CNTN5: variants seen among roughly 807,000 people sequenced by gnomAD.
The protein encoded by CNTN5 is contactin-5.
A neutral mutation model predicts 129.1 loss-of-function variants in CNTN5; 77 were observed. The observed-to-expected ratio is 0.60, with a 90% confidence interval of 0.50 to 0.72. The LOEUF (loss-of-function observed/expected upper bound fraction) is 0.72. Among genes scored for constraint, CNTN5 ranks in the 30% least tolerant of loss-of-function variants. CNTN5 has a pLI of 0.00. For synonymous variants in CNTN5, 509 were observed against 465.6 expected (o/e 1.09, Z -1.20); for missense variants, 1,478 against 1,328.8 (o/e 1.11, Z -1.75).
intron 3 of CNTN5, among the ~76,000 whole-genome samples, chr11:99,784,779 G>C (rs1202485863): frequency 6.8e-6 from 1 of 146,992 alleles, no homozygotes; most frequent in Non-Finnish European, 1.5e-5. Flanking sequence ...ACTGGTGTGA[G>C]ATGGTATCTC....
At chr11:99,476,614 A>G (rs1945381507) in intron 2 of CNTN5, among the ~76,000 whole-genome samples, 1 of 152,156 alleles carries the variant, frequency 6.6e-6, no homozygotes, top group Non-Finnish European at 1.5e-5. Context: ...ATGTAGCAAT[A>G]AGCATTCATA....
At chr11:99,555,559 C>T (rs976996005) in intron 2 of CNTN5, among the ~76,000 whole-genome samples, 1 of 151,808 alleles carries the variant, frequency 6.6e-6, no homozygotes, top group Non-Finnish European at 1.5e-5. Flanking sequence ...CCTTACGTTC[C>T]AGCCAGCAAA....
chr11:100,056,748 T>G (rs1358157290), intron 9 of CNTN5, among the ~76,000 whole-genome samples: 1 of 151,266 alleles, frequency 6.6e-6, no homozygotes, highest in Non-Finnish European at 1.5e-5. Flanking sequence ...TTCTGGGGAG[T>G]GAGGGGAGGA....
intron 1 of CNTN5, among the ~76,000 whole-genome samples, chr11:99,285,894 C>T (rs1008881292): frequency 4.0e-5 from 6 of 151,732 alleles, no homozygotes; most frequent in African/African-American, 1.2e-4. Context: ...AAAAATTAGC[C>T]AGGTGTGGTG....
chr11:99,611,737 C>CT (rs1289510400), intron 3 of CNTN5, among the ~76,000 whole-genome samples: 1 of 152,088 alleles, frequency 6.6e-6, no homozygotes, highest in African/African-American at 2.4e-5. Flanking sequence ...AATATGCTTC[C>CT]TTTTTTCCGT....
At chr11:99,287,889 A>G (rs559143629) in intron 1 of CNTN5, among the ~76,000 whole-genome samples, 108 of 152,080 alleles carry the variant, frequency 7.1e-4, no homozygotes, top group Non-Finnish European at 1.0e-3. Flanking sequence ...AGGAAAGAAG[A>G]TAAATGAAAA....
chr11:99,409,466 G>A (rs186772793), intron 2 of CNTN5, among the ~76,000 whole-genome samples: 14 of 152,152 alleles, frequency 9.2e-5, no homozygotes, highest in East Asian at 5.8e-4. Flanking sequence ...GCGAGATTCC[G>A]TCTCAAAAAT....
At chr11:100,076,672 T>C (rs531595616) in intron 13 of CNTN5, among the ~76,000 whole-genome samples, 1 of 134,174 alleles carries the variant, frequency 7.5e-6, no homozygotes, top group African/African-American at 2.9e-5. Context: ...TAAAATGTAA[T>C]TTTTTTTTTT....
chr11:100,161,860 C>CAT (rs1308902073), intron 13 of CNTN5, among the ~76,000 whole-genome samples: 113 of 149,780 alleles, frequency 7.5e-4, no homozygotes, highest in African/African-American at 2.7e-3. Flanking sequence ...CACACACACA[C>CAT]ACACACACAC....
At chr11:99,107,182 T>C (rs917000715) in intron 1 of CNTN5, among the ~76,000 whole-genome samples, 4 of 152,234 alleles carry the variant, frequency 2.6e-5, no homozygotes, top group East Asian at 1.9e-4. Context: ...CCCTAGCATA[T>C]TGAAGAATAA....
At chr11:100,077,220 A>G (rs1184671770) in intron 13 of CNTN5, among the ~76,000 whole-genome samples, 1 of 152,216 alleles carries the variant, frequency 6.6e-6, no homozygotes, top group Non-Finnish European at 1.5e-5. Flanking sequence ...TTAAGACTTC[A>G]AAAAGTTTGT....
chr11:99,785,047 C>T (rs1040923215), intron 3 of CNTN5, among the ~76,000 whole-genome samples: 1 of 147,190 alleles, frequency 6.8e-6, no homozygotes, highest in African/African-American at 2.4e-5. Context: ...GATCCGCCTG[C>T]CTCCGCCTGC....
At chr11:100,046,179 C>A (rs145041359) in intron 9 of CNTN5, among the ~76,000 whole-genome samples, 1 of 151,760 alleles carries the variant, frequency 6.6e-6, no homozygotes, top group African/African-American at 2.4e-5. Flanking sequence ...GGAGATATAC[C>A]TAATGCTAAA....
chr11:99,578,221 T>G lies in CNTN5; in HGVS notation c.55+21952T>G, dbSNP rs568035279. ...TATGTGCCACATTTTCTTAATCCAG[T>G]CTATCATTGTTGGACATTTGGCTTG... On this transcript the variant is annotated intron_variant, in intron 3 of 24. Transcript: ENST00000524871. 3.9e-5 allele frequency among the ~76,000 whole-genome samples: 6 copies of G among 152,164 alleles called. No homozygotes were observed. The East Asian group carries it at 5.8e-4, about 15-fold the overall frequency.
intron 7 of CNTN5, among the ~76,000 whole-genome samples, chr11:99,929,327 C>G (rs754015557): frequency 6.6e-6 from 1 of 152,114 alleles, no homozygotes; most frequent in African/African-American, 2.4e-5. Flanking sequence ...CTTTTCAGCC[C>G]TTGGAACTGT....
At chr11:100,189,482 A>G (rs547515362) in intron 13 of CNTN5, among the ~76,000 whole-genome samples, 1 of 152,266 alleles carries the variant, frequency 6.6e-6, no homozygotes, top group Non-Finnish European at 1.5e-5. Flanking sequence ...TTTAAGCCAA[A>G]CTTCTTACCT....
At chr11:99,369,127 G>A (rs575390250) in intron 2 of CNTN5, among the ~76,000 whole-genome samples, 22 of 100,638 alleles carry the variant, frequency 2.2e-4, no homozygotes, top group African/African-American at 6.8e-4. Flanking sequence ...CCACAAAGAC[G>A]TTCACTGGGT....
rs532908396 is a variant in CNTN5 at position 99,562,025 on chromosome 11, A to T, written c.55+5756A>T. ...TATTTTGAAAAACTGCAGACACAGG[A>T]CTGGCTCTGAGAAGTTGCCCTTTTG... On this transcript the variant is annotated intron_variant, in intron 3 of 24. Transcript: ENST00000524871. Among the ~76,000 whole-genome samples, 3 of 152,258 alleles carry T rather than the reference A, an allele frequency of 2.0e-5. No individual in the cohort carries two copies. In the East Asian group the frequency reaches 5.8e-4, roughly 29 times the overall value.
intron 24 of CNTN5, among the ~76,000 whole-genome samples, chr11:100,354,149 A>T (rs1220928976): frequency 6.6e-6 from 1 of 151,666 alleles, no homozygotes; most frequent in Admixed American, 6.6e-5. Context: ...AATTGTATTT[A>T]CCATATAGGA....
Sources: allele counts gnomAD v4.1 joint callset (sites outside exome capture counted in the v4.1 genomes callset), GRCh38; gene constraint gnomAD v4.1.1; transcripts MANE v1.5; gene names NCBI Gene and HGNC (gene_info 2026-07-23, HGNC 2026-07-21).